The following JAK1 variants were observed in gnomAD, a reference collection of about 807,000 sequenced individuals.
JAK1 encodes the protein tyrosine-protein kinase JAK1.
A neutral mutation model predicts 136.6 loss-of-function variants in JAK1; 16 were observed. The observed-to-expected ratio is 0.12, with a 90% CI of 0.08 to 0.18. JAK1 has a LOEUF of 0.18. Among genes scored for constraint, JAK1 ranks in the 10% least tolerant of loss-of-function variants. The pLI is 1.00. For missense variants in JAK1, 859 were observed against 1,450.1 expected, an observed-to-expected ratio of 0.59 and a Z score of 6.62; for synonymous variants, 492 against 519.5, an observed-to-expected ratio of 0.95 and a Z score of 0.72.
chr1:64,860,309 G>A (rs1557641582), intron 8 of JAK1, 47 bp from the exon 9 acceptor site: 3 of 1,518,240 alleles, frequency 2.0e-6, no homozygotes, highest in Non-Finnish European at 2.7e-6. Context: ...GTCTCTATCA[G>A]CTTAAGTGGC....
chr1:64,999,851 A>G (rs1646737454), intron 2 of JAK1, among the ~76,000 whole-genome samples: 2 of 151,564 alleles, frequency 1.3e-5, no homozygotes, highest in Admixed American at 6.6e-5. Flanking sequence ...ACTACAGTGT[A>G]TTTTTTTCAG....
chr1:65,060,218 C>G (rs489500), intron 1 of JAK1, among the ~76,000 whole-genome samples: 9,786 of 151,372 alleles, frequency 0.065, 585 homozygotes, highest in East Asian at 0.31. Context: ...TAAACATCTG[C>G]TACGTGAACA....
chr1:64,962,844 G>T (rs1646307239), intron 1 of JAK1, among the ~76,000 whole-genome samples: 1 of 152,134 alleles, frequency 6.6e-6, no homozygotes, highest in Admixed American at 6.6e-5. Context: ...AAGGCAGGCG[G>T]ATCACTTGAG....
At chr1:64,858,557 G>A (rs1216439191) in intron 9 of JAK1, among the ~76,000 whole-genome samples, 1 of 152,170 alleles carries the variant, frequency 6.6e-6, no homozygotes, top group Non-Finnish European at 1.5e-5. Context: ...CTCTGAGCAG[G>A]CTCTTTAGGC....
At chr1:64,957,164 T>G (rs151331322) in intron 1 of JAK1, among the ~76,000 whole-genome samples, 1 of 152,190 alleles carries the variant, frequency 6.6e-6, no homozygotes, top group African/African-American at 2.4e-5. Flanking sequence ...TTTCAAGGTA[T>G]TTGGCAGCAG....
At chr1:64,981,417 C>T (rs552011883) in intron 2 of JAK1, among the ~76,000 whole-genome samples, 110 of 152,278 alleles carry the variant, frequency 7.2e-4, no homozygotes, top group Admixed American at 2.8e-3. Context: ...ACCCCTGGAA[C>T]GCTCGTGGCA....
chr1:65,022,306 T>TA (rs1305607656), intron 2 of JAK1, among the ~76,000 whole-genome samples: 1 of 152,180 alleles, frequency 6.6e-6, no homozygotes, highest in Non-Finnish European at 1.5e-5. Context: ...GCCATTTTTT[T>TA]ATTTTTTTAT....
At chr1:64,962,431 G>C (rs551012696) in intron 1 of JAK1, among the ~76,000 whole-genome samples, 176 of 152,288 alleles carry the variant, frequency 1.2e-3, no homozygotes, top group Non-Finnish European at 2.0e-3. Context: ...AGAGCACCAA[G>C]GAAGAATGTG....
At chr1:64,842,099 A>C (rs1466156783) in intron 17 of JAK1, among the ~76,000 whole-genome samples, 1 of 152,232 alleles carries the variant, frequency 6.6e-6, no homozygotes, top group African/African-American at 2.4e-5. Context: ...ATTTGTAAAA[A>C]TTATGATTTA....
At chr1:64,963,572 C>T (rs997382174) in intron 1 of JAK1, among the ~76,000 whole-genome samples, 17 of 152,124 alleles carry the variant, frequency 1.1e-4, no homozygotes, top group Non-Finnish European at 1.5e-5. Context: ...CCCTCAACTA[C>T]CGGTAAATCT....
At chr1:65,005,730 T>G (rs1250262121) in intron 2 of JAK1, among the ~76,000 whole-genome samples, 2 of 152,168 alleles carry the variant, frequency 1.3e-5, no homozygotes, top group Non-Finnish European at 2.9e-5. Flanking sequence ...GTGAGTTATC[T>G]CCAATTGACC....
intron 10 of JAK1, among the ~76,000 whole-genome samples, chr1:64,857,099 C>T (rs1172446900): frequency 6.6e-6 from 1 of 152,216 alleles, no homozygotes; most frequent in African/African-American, 2.4e-5. Context: ...ATGTATCTCA[C>T]ATCATCCCCA....
At chr1:64,875,639 C>T (rs1285722615) in intron 4 of JAK1, among the ~76,000 whole-genome samples, 1 of 152,244 alleles carries the variant, frequency 6.6e-6, no homozygotes, top group Non-Finnish European at 1.5e-5. Flanking sequence ...AGCCCATCTT[C>T]CTTGTAATTT....
intron 1 of JAK1, among the ~76,000 whole-genome samples, chr1:65,052,118 AT>A (rs71056073): frequency 0.61 from 56,719 of 93,356 alleles, 15,864 homozygotes; most frequent in South Asian, 0.69. Flanking sequence ...ACGCCTGGCT[AT>A]TTTTTTTTTT....
At chr1:65,052,443 C>A (rs1451349757) in intron 1 of JAK1, among the ~76,000 whole-genome samples, 1 of 151,698 alleles carries the variant, frequency 6.6e-6, no homozygotes, top group African/African-American at 2.4e-5. Flanking sequence ...TTTGGGAGGC[C>A]GAGGCAGGTG....
chr1:64,925,151 C>A (rs1645561923), intron 1 of JAK1, among the ~76,000 whole-genome samples: 1 of 151,764 alleles, frequency 6.6e-6, no homozygotes, highest in South Asian at 2.1e-4. Context: ...AATCCCAGCA[C>A]TTTGGGAGGC....
intron 1 of JAK1, among the ~76,000 whole-genome samples, chr1:64,901,578 G>A (rs902188121): frequency 6.6e-6 from 1 of 152,152 alleles, no homozygotes; most frequent in African/African-American, 2.4e-5. Context: ...TGTTACAGAA[G>A]AATCATTGAC....
intron 2 of JAK1, among the ~76,000 whole-genome samples, chr1:65,025,689 CT>C (rs1646972128): frequency 1.3e-5 from 2 of 151,152 alleles, no homozygotes; most frequent in African/African-American, 4.9e-5. Context: ...TTTTTCTTTC[CT>C]TTTTTGAGAC....
chr1:64,887,766 GC>G (rs899107974), intron 1 of JAK1, among the ~76,000 whole-genome samples: 1 of 152,220 alleles, frequency 6.6e-6, no homozygotes, highest in Non-Finnish European at 1.5e-5. Context: ...GGGGCATGAA[GC>G]CAAAACGGAG....
Sources: allele counts gnomAD v4.1 joint callset (sites outside exome capture counted in the v4.1 genomes callset), GRCh38; gene constraint gnomAD v4.1.1; transcripts MANE v1.5; gene names NCBI Gene and HGNC (gene_info 2026-07-23, HGNC 2026-07-21).